Variants in PHF24 observed in about 807,000 individuals in gnomAD.
PHF24 encodes PHD finger protein 24, also known as Galpha inhibitory interacting protein.
A neutral mutation model predicts 42.6 loss-of-function variants in PHF24; 25 were observed. The observed-to-expected ratio is 0.59, with a 90% confidence interval of 0.43 to 0.82. The LOEUF (loss-of-function observed/expected upper bound fraction) is 0.82. PHF24 is among the 40% of genes least tolerant of loss of function. The pLI, the probability that PHF24 is intolerant of heterozygous loss-of-function variation, is 0.00. For synonymous variants in PHF24, 185 were observed against 204.8 expected (o/e 0.90, Z 0.83); for missense variants, 470 against 538.1 (o/e 0.87, Z 1.25).
the PHF24 span, among the ~76,000 whole-genome samples, chr9:34,916,888 T>C: frequency 6.6e-6 from 1 of 152,234 alleles, no homozygotes; most frequent in South Asian, 2.1e-4. Flanking sequence ...ATACTTGCCA[T>C]GTACACGGAC....
intron 1 of PHF24, among the ~76,000 whole-genome samples, chr9:34,964,335 G>A (rs1314172522): frequency 2.6e-5 from 4 of 152,208 alleles, no homozygotes; most frequent in African/African-American, 9.6e-5. Flanking sequence ...CTTGAGCCCA[G>A]GAGTTTGAGG....
chr9:34,974,998 C>T (rs903818593), intron 3 of PHF24, among the ~76,000 whole-genome samples: 4 of 152,106 alleles, frequency 2.6e-5, no homozygotes, highest in African/African-American at 9.7e-5. Flanking sequence ...AGCTGCTCAT[C>T]ATTTCTTGCC....
the PHF24 span, among the ~76,000 whole-genome samples, chr9:34,793,165 C>A: frequency 6.6e-6 from 1 of 151,824 alleles, no homozygotes; most frequent in South Asian, 2.1e-4. Context: ...TATCATAGAA[C>A]AAAACTCAAA....
At chr9:34,878,545 A>T in the PHF24 span, among the ~76,000 whole-genome samples, 1 of 152,228 alleles carries the variant, frequency 6.6e-6, no homozygotes, top group Non-Finnish European at 1.5e-5. Flanking sequence ...TGGTCTTCGC[A>T]AACGGCACAC....
the PHF24 span, among the ~76,000 whole-genome samples, chr9:34,750,234 A>G: frequency 6.6e-6 from 1 of 152,168 alleles, no homozygotes; most frequent in Non-Finnish European, 1.5e-5. Flanking sequence ...AATAAGAAAT[A>G]GAAACAACAA....
upstream of PHF24, among the ~76,000 whole-genome samples, chr9:34,955,628 G>T (rs537813614): frequency 1.3e-4 from 20 of 152,296 alleles, 1 homozygote; most frequent in South Asian, 4.1e-3. Context: ...AGTGAGCCGA[G>T]ATCAAGCCAC....
At chr9:34,865,052 G>C in the PHF24 span, among the ~76,000 whole-genome samples, 5,293 of 149,024 alleles carry the variant, frequency 0.036, 126 homozygotes, top group Non-Finnish European at 0.048. Flanking sequence ...AGTGGTGCAC[G>C]CCTGTAGTCC....
the PHF24 span, chr9:34,892,565 TG>T: frequency 2.4e-6 from 1 of 420,842 alleles, no homozygotes; most frequent in Non-Finnish European, 4.2e-6. Flanking sequence ...CAATAGCAGT[TG>T]GAAAGGAATG....
the PHF24 span, among the ~76,000 whole-genome samples, chr9:34,888,611 C>T: frequency 6.1e-4 from 93 of 152,324 alleles, no homozygotes; most frequent in African/African-American, 2.2e-3. Flanking sequence ...GTTTTGACAT[C>T]TGTCATATTA....
At chr9:34,726,573 A>G in the PHF24 span, 1 of 1,551,796 alleles carries the variant, frequency 6.4e-7, no homozygotes, top group Non-Finnish European at 8.7e-7. Flanking sequence ...TCAATCCTTG[A>G]AGAAGCTATG....
At chr9:34,868,443 T>C in the PHF24 span, among the ~76,000 whole-genome samples, 1 of 152,216 alleles carries the variant, frequency 6.6e-6, no homozygotes, top group Admixed American at 6.5e-5. Flanking sequence ...TTGAACACCC[T>C]GTGGTTGCTT....
chr9:34,740,187 C>G, the PHF24 span, among the ~76,000 whole-genome samples: 1 of 152,258 alleles, frequency 6.6e-6, no homozygotes, highest in South Asian at 2.1e-4. Context: ...GTGGATTCCG[C>G]ACCGGGGCTG....
At chr9:34,834,178 C>T in the PHF24 span, 1 of 1,546,812 alleles carries the variant, frequency 6.5e-7, no homozygotes, top group Non-Finnish European at 8.7e-7. Context: ...GAGCCACTGC[C>T]AGGACCCCAG....
chr9:34,754,465 G>GAATGAA, the PHF24 span, among the ~76,000 whole-genome samples: 5 of 152,022 alleles, frequency 3.3e-5, no homozygotes, highest in Non-Finnish European at 7.4e-5. Context: ...AAACCTATCT[G>GAATGAA]AATGAAAATG....
the PHF24 span, among the ~76,000 whole-genome samples, chr9:34,740,972 G>T: frequency 6.6e-6 from 1 of 151,370 alleles, no homozygotes; most frequent in African/African-American, 2.4e-5. Flanking sequence ...TGCAACTTCT[G>T]CCTCCCAGGT....
the PHF24 span, among the ~76,000 whole-genome samples, chr9:34,906,228 C>A: frequency 1.7e-4 from 26 of 152,130 alleles, no homozygotes; most frequent in African/African-American, 5.8e-4. Context: ...CTCAAGAGGT[C>A]CTGAGAAAGT....
chr9:34,967,044 A>T (rs890694585), intron 1 of PHF24, among the ~76,000 whole-genome samples: 5 of 147,938 alleles, frequency 3.4e-5, no homozygotes, highest in Non-Finnish European at 4.5e-5. Context: ...GCCTAGCTAA[A>T]TTTTTTTTTT....
At chr9:34,909,887 A>C in the PHF24 span, among the ~76,000 whole-genome samples, 1 of 152,186 alleles carries the variant, frequency 6.6e-6, no homozygotes, top group Non-Finnish European at 1.5e-5. Context: ...TTAGCCTCCC[A>C]AAGTGCTGGG....
At chr9:34,765,157 T>A in the PHF24 span, among the ~76,000 whole-genome samples, 1 of 151,924 alleles carries the variant, frequency 6.6e-6, no homozygotes, top group East Asian at 1.9e-4. Context: ...GGTGTGGTGC[T>A]GAAAAAAATG....
Sources: gnomAD v4.1 joint callset for allele counts (sites outside exome capture counted in the v4.1 genomes callset) on GRCh38, gnomAD v4.1.1 for gene constraint, MANE v1.5 for transcripts, NCBI Gene and HGNC (gene_info 2026-07-23, HGNC 2026-07-21) for gene names.